Variants in EYS observed in about 807,000 individuals in gnomAD.
The protein encoded by EYS is protein eyes shut homolog.
A neutral mutation model predicts 282.1 loss-of-function variants in EYS; 250 were observed. That is an observed-to-expected ratio of 0.89 (90% CI 0.80 to 0.98). EYS has a LOEUF of 0.98. EYS is among the 50% of genes least tolerant of loss of function. EYS has a pLI of 0.00. For synonymous variants in EYS, 1,355 were observed against 1,282.9 expected, an observed-to-expected ratio of 1.06 and a Z score of -1.20; for missense variants, 4,016 against 3,709.0, an observed-to-expected ratio of 1.08 and a Z score of -2.15.
intron 12 of EYS, among the ~76,000 whole-genome samples, chr6:65,157,609 A>G (rs1482371624): frequency 2.7e-5 from 4 of 150,754 alleles, no homozygotes; most frequent in African/African-American, 7.3e-5. Context: ...ATTTTTAGAT[A>G]AAAGAAAAAT....
chr6:64,920,561 C>T (rs1044661318), intron 15 of EYS, among the ~76,000 whole-genome samples: 16 of 151,906 alleles, frequency 1.1e-4, no homozygotes, highest in African/African-American at 3.4e-4. Context: ...AAATATAATG[C>T]TTTATATATT....
intron 33 of EYS, among the ~76,000 whole-genome samples, chr6:64,061,744 T>G (rs1771178827): frequency 6.6e-6 from 1 of 152,194 alleles, no homozygotes; most frequent in Non-Finnish European, 1.5e-5. Context: ...ATCCCAGTAC[T>G]TTAGGAGGGC....
intron 5 of EYS, among the ~76,000 whole-genome samples, chr6:65,474,578 T>A (rs1426979350): frequency 1.3e-5 from 2 of 152,052 alleles, no homozygotes; most frequent in Non-Finnish European, 2.9e-5. Flanking sequence ...ATGTAGAAAG[T>A]CAGTATGTAA....
chr6:64,784,101 C>T (rs1773944442), intron 22 of EYS, among the ~76,000 whole-genome samples: 2 of 152,016 alleles, frequency 1.3e-5, no homozygotes, highest in Non-Finnish European at 1.5e-5. Flanking sequence ...TATCCCAACA[C>T]TTAAGTTATT....
chr6:64,434,012 C>CA (rs1774655230), intron 28 of EYS, among the ~76,000 whole-genome samples: 1 of 151,984 alleles, frequency 6.6e-6, no homozygotes, highest in Admixed American at 6.6e-5. Context: ...CCCTAGCCAT[C>CA]AGTACCTGAG....
chr6:65,223,319 A>G (rs1766523414), intron 12 of EYS, among the ~76,000 whole-genome samples: 1 of 152,172 alleles, frequency 6.6e-6, no homozygotes, highest in Non-Finnish European at 1.5e-5. Flanking sequence ...GTGAGCCGAG[A>G]TCATGCCATT....
At chr6:65,410,219 A>T (rs1476150855) in intron 5 of EYS, among the ~76,000 whole-genome samples, 4 of 152,032 alleles carry the variant, frequency 2.6e-5, no homozygotes, top group Non-Finnish European at 5.9e-5. Flanking sequence ...TCTTAAAACA[A>T]AACCTGAAAT....
intron 31 of EYS, among the ~76,000 whole-genome samples, chr6:64,122,545 T>G (rs1235938726): frequency 6.6e-6 from 1 of 152,130 alleles, no homozygotes; most frequent in Non-Finnish European, 1.5e-5. Context: ...TGCCTGAGTT[T>G]TTATCCCCTT....
chr6:65,006,169 G>T (rs566583398), intron 13 of EYS, among the ~76,000 whole-genome samples: 13 of 151,930 alleles, frequency 8.6e-5, no homozygotes, highest in African/African-American at 2.7e-4. Flanking sequence ...CTGTGCCAGG[G>T]CCCCAAGTTT....
chr6:65,078,540 A>G (rs539951228), intron 12 of EYS, among the ~76,000 whole-genome samples: 1 of 152,208 alleles, frequency 6.6e-6, no homozygotes, highest in Non-Finnish European at 1.5e-5. Flanking sequence ...AAGCCACTGA[A>G]GGTATTCATA....
chr6:65,278,158 G>A (rs1768107837), intron 12 of EYS, among the ~76,000 whole-genome samples: 1 of 146,066 alleles, frequency 6.8e-6, no homozygotes, highest in Non-Finnish European at 1.5e-5. Context: ...TTGGATCTCA[G>A]GCCTTTGGAC....
intron 26 of EYS, among the ~76,000 whole-genome samples, chr6:64,478,189 A>T (rs1764883425): frequency 6.6e-6 from 1 of 152,006 alleles, no homozygotes. Flanking sequence ...AAGTGCTCTG[A>T]TTAGCTATAT....
intron 2 of EYS, among the ~76,000 whole-genome samples, chr6:65,567,841 C>A (rs1160647195): frequency 6.6e-6 from 1 of 151,906 alleles, no homozygotes; most frequent in East Asian, 1.9e-4. Flanking sequence ...CTCTCTGGAC[C>A]CTTAACTGAA....
intron 15 of EYS, among the ~76,000 whole-genome samples, chr6:64,923,375 G>A (rs1768414654): frequency 6.6e-6 from 1 of 152,066 alleles, no homozygotes. Context: ...CCTCCCCCTG[G>A]GTCCCTTCCA....
intron 22 of EYS, among the ~76,000 whole-genome samples, chr6:64,743,553 G>A (rs2149963035): frequency 6.6e-6 from 1 of 152,164 alleles, no homozygotes; most frequent in Middle Eastern, 3.4e-3. Context: ...ATGAAAAGCA[G>A]TTCTGATTGC....
intron 35 of EYS, among the ~76,000 whole-genome samples, chr6:63,912,668 T>C (rs775852096): frequency 2.0e-5 from 3 of 152,100 alleles, no homozygotes; most frequent in Non-Finnish European, 4.4e-5. Context: ...GGTGGTTGGA[T>C]TATGGGGGTG....
At chr6:65,254,506 C>G (rs911887941) in intron 12 of EYS, among the ~76,000 whole-genome samples, 1 of 151,774 alleles carries the variant, frequency 6.6e-6, no homozygotes, top group Non-Finnish European at 1.5e-5. Flanking sequence ...TGATAAATAA[C>G]TTTCTAAATT....
chr6:64,039,678 AT>A (rs1480064792), intron 33 of EYS, among the ~76,000 whole-genome samples: 9 of 152,158 alleles, frequency 5.9e-5, no homozygotes, highest in African/African-American at 2.2e-4. Context: ...GCAAAAAAAA[AT>A]GTTTCCATGA....
Position 64,922,267 on chromosome 6 carries a change from C to T in EYS, c.2382-9524G>A, listed in dbSNP as rs148921095. 1.2e-3 allele frequency among the ~76,000 whole-genome samples: 189 copies of T among 152,304 alleles called. 3 individuals are homozygous for T. The East Asian group carries it at 0.025, about 20-fold the overall frequency. On this transcript the variant is annotated intron_variant, in intron 15 of 42. Transcript: ENST00000503581. ...TTCCTCTGAGCCAGGGAAGATTCTG[C>T]TTGTTTCTCATTGACAAGGACATTG...
Sources: allele counts gnomAD v4.1 joint callset (sites outside exome capture counted in the v4.1 genomes callset), GRCh38; gene constraint gnomAD v4.1.1; transcripts MANE v1.5; gene names NCBI Gene and HGNC (gene_info 2026-07-23, HGNC 2026-07-21).